The following FSCN2 variants were observed in gnomAD, a reference collection of about 807,000 sequenced individuals.
The protein encoded by FSCN2 is fascin actin-bundling protein 2, retinal.
FSCN2 carries 46 observed loss-of-function variants against 37.8 expected under a neutral mutation model. The observed-to-expected ratio is 1.22, with a 90% CI of 0.96 to 1.56. The LOEUF is 1.56. Ranked by LOEUF, FSCN2 falls within the 40% of genes most tolerant of loss-of-function variation. The pLI is 0.00. For synonymous variants in FSCN2, 351 were observed against 309.4 expected, an observed-to-expected ratio of 1.13 and a Z score of -1.41; for missense variants, 844 against 730.4, an observed-to-expected ratio of 1.16 and a Z score of -1.79.
the FSCN2 span, among the ~76,000 whole-genome samples, chr17:81,516,506 G>A: frequency 6.6e-6 from 1 of 152,214 alleles, no homozygotes; most frequent in Admixed American, 6.5e-5. Flanking sequence ...GTTTCCTGAA[G>A]CTCTTTCCAG....
chr17:81,523,124 T>C, the FSCN2 span, among the ~76,000 whole-genome samples: 6 of 152,144 alleles, frequency 3.9e-5, no homozygotes, highest in East Asian at 1.2e-3. Context: ...GCCAGCAGAC[T>C]GTGTGGGCTG....
intron 3 of FSCN2, 143 bp from the exon 4 acceptor site, chr17:81,536,479 G>A: frequency 6.6e-7 from 1 of 1,524,356 alleles, no homozygotes; most frequent in South Asian, 1.2e-5. Context: ...AACCCCCTAG[G>A]CGCCTTGCCA....
Position 81,535,140 on chromosome 17 carries a change from C to T in FSCN2, c.915C>T (p.Phe305=), listed in dbSNP as rs1404771847. 1 of 1,534,376 alleles carries T rather than the reference C, an allele frequency of 6.5e-7. No homozygotes were observed. Among genetic ancestry groups the T allele is most frequent in the Non-Finnish European group, 8.7e-7 (1 of 1,145,556 alleles). Residue 305 remains phenylalanine, a synonymous_variant, in exon 2 of 5, where the codon TTC becomes TTT. Coordinates refer to ENST00000417245, the MANE Select transcript of FSCN2 (RefSeq NM_012418.4). The part of the protein sequence containing the change: ...QIDQETKKCT[F]YSSTGGYWTL... ...ACCAGGAGACAAAGAAGTGCACCTT[C>T]TATTCCAGCACTGGGGGCTACTGGA... is the stretch of plus-strand genomic sequence containing the variant.
rs761410294 is a variant in FSCN2, at chr17:81,536,732, C to A, written c.1216C>A (p.Arg406Ser). ...CGGCTCCAACCAGCTGGACACCAAC[C>A]GCTCCGTCTACGACGTCTTCCACCT... ...HRGSNQLDTN[R>S]SVYDVFHLSF... Residue 406 changes from arginine to serine, a missense_variant, in exon 4 of 5, where the codon CGC (arginine) becomes AGC (serine). Physicochemically the swap from Arg to Ser is moderately radical, Grantham distance 110. Transcript: ENST00000417245. 1.2e-5 allele frequency: 20 copies of A among 1,611,142 alleles called. No homozygotes were observed. The highest frequency in any genetic ancestry group is 1.7e-5 in the Non-Finnish European group (20 of 1,179,354).
chr17:81,518,179 TC>T, the FSCN2 span, among the ~76,000 whole-genome samples: 3 of 152,126 alleles, frequency 2.0e-5, no homozygotes, highest in African/African-American at 4.8e-5. Flanking sequence ...GTCTGGCTGT[TC>T]CTTTGCCCCC....
the FSCN2 span, among the ~76,000 whole-genome samples, chr17:81,523,334 C>G: frequency 6.6e-6 from 1 of 152,238 alleles, no homozygotes. Context: ...GAGCCTGTCA[C>G]CCTAAACCTG....
At chr17:81,523,718 G>C (rs943988501), upstream of FSCN2, 1 of 152,296 alleles carries the variant, frequency 6.6e-6, no homozygotes, top group Admixed American at 6.5e-5. Flanking sequence ...GGGCTCCTCC[G>C]ATGCCTGCAG....
At chr17:81,515,379 AGAGTC>A in the FSCN2 span, among the ~76,000 whole-genome samples, 1 of 152,190 alleles carries the variant, frequency 6.6e-6, no homozygotes, top group Non-Finnish European at 1.5e-5. Flanking sequence ...CGGAGCCGGG[AGAGTC>A]GGCAGCTGCA....
chr17:81,532,613 GATGATA>G (rs1327054096), intron 1 of FSCN2, among the ~76,000 whole-genome samples: 125 of 144,772 alleles, frequency 8.6e-4, no homozygotes, highest in Middle Eastern at 3.5e-3. Context: ...TGGTGATGGT[GATGATA>G]ATGGTGATGA....
intron 1 of FSCN2, among the ~76,000 whole-genome samples, chr17:81,530,350 C>T (rs756872237): frequency 2.0e-5 from 3 of 152,246 alleles, no homozygotes; most frequent in African/African-American, 4.8e-5. Context: ...TGGCTCTCCC[C>T]AGTTCCCAGG....
At chr17:81,533,270 C>G (rs534403383) in intron 1 of FSCN2, among the ~76,000 whole-genome samples, 3 of 152,212 alleles carry the variant, frequency 2.0e-5, no homozygotes, top group Non-Finnish European at 4.4e-5. Flanking sequence ...TTTCTGCCAA[C>G]AGACAGCATG....
the FSCN2 span, among the ~76,000 whole-genome samples, chr17:81,516,384 C>A: frequency 6.6e-6 from 1 of 152,302 alleles, no homozygotes; most frequent in South Asian, 2.1e-4. Context: ...TAAAGTTCTC[C>A]CATAATAAAA....
intron 3 of FSCN2, 118 bp from the exon 4 acceptor site, chr17:81,536,504 G>T: frequency 1.3e-6 from 2 of 1,541,600 alleles, no homozygotes; most frequent in Non-Finnish European, 1.7e-6. Flanking sequence ...CGCACATGAG[G>T]CAATGGCAGG....
At chr17:81,523,319 C>T in the FSCN2 span, among the ~76,000 whole-genome samples, 21 of 152,238 alleles carry the variant, frequency 1.4e-4, no homozygotes, top group Admixed American at 1.2e-3. Flanking sequence ...CCTGCCTTGC[C>T]GATGGAGCCT....
chr17:81,530,539 T>C (rs113365575), intron 1 of FSCN2: 1 of 468,558 alleles, frequency 2.1e-6, no homozygotes, highest in Non-Finnish European at 4.2e-6. Context: ...AAAGGCGAGG[T>C]GGGGAGAGCC....
intron 3 of FSCN2, 139 bp downstream of exon 3, chr17:81,536,406 T>C: frequency 7.0e-7 from 1 of 1,434,986 alleles, no homozygotes; most frequent in Non-Finnish European, 9.3e-7. Context: ...TCATACTTGC[T>C]AGTCAAGATA....
chr17:81,536,675 C>T lies in FSCN2; in HGVS notation c.1159C>T (p.Arg387Cys), dbSNP rs756831302. The change falls in exon 4 of 5, where the codon CGC (arginine) becomes TGC (cysteine). Residue 387 changes from arginine to cysteine, a missense_variant. Physicochemically the swap from Arg to Cys is radical, Grantham distance 180 (BLOSUM62 -3). Coordinates refer to ENST00000417245, the MANE Select transcript of FSCN2 (RefSeq NM_012418.4). Reference sequence around the variant, plus strand: ...CATCAACCGGCCCATCCTGGTGCTGCGCGGCCTGGACGGCTTCGTCTGCCA... The same window carrying T: ...CATCAACCGGCCCATCCTGGTGCTGTGCGGCCTGGACGGCTTCGTCTGCCA... The part of the protein sequence containing the change: ...KLINRPILVL[R>C]GLDGFVCHHR... 2.5e-6 allele frequency: 4 copies of T among 1,611,166 alleles called. No homozygotes were observed. The highest frequency in any genetic ancestry group is 1.3e-5 in the African/African-American group (1 of 75,044).
chr17:81,537,083 C>A lies in FSCN2; in HGVS notation c.*3C>A. On this transcript the variant is annotated 3_prime_UTR_variant, in exon 5 of 5. Coordinates refer to ENST00000417245, the MANE Select transcript of FSCN2 (RefSeq NM_012418.4). ...GGACCGCGCTTTGGGAGTACTGAGG[C>A]CGCGCCCAGACCAGCCTGTCGCGCA... 3 of 1,436,328 alleles carry A rather than the reference C, an allele frequency of 2.1e-6. No homozygotes were observed. Among genetic ancestry groups the A allele is most frequent in the Admixed American group, 3.0e-5 (1 of 33,640 alleles). The allele number at this position is 1,436,328 out of a possible 1,614,324, so 89.0% of individuals were successfully genotyped here. A position where few individuals can be genotyped will look rare whatever the true frequency, so the allele number is the denominator to read the frequency against.
At position 81,537,127 on chromosome 17, in the gene FSCN2, C is replaced by T. The variant is rs778448668; in HGVS notation, c.*47C>T. The T allele has an allele frequency of 8.2e-6, 11 of 1,334,158 alleles. No homozygotes were observed. Among genetic ancestry groups the T allele is most frequent in the East Asian group, 3.1e-5 (1 of 32,756 alleles). 82.6% of individuals were successfully genotyped at this position (1,334,158 alleles called of 1,614,324 possible). A position where few individuals can be genotyped will look rare whatever the true frequency, so the allele number is the denominator to read the frequency against. ...TCGCGCATTAAAACCGTGTCTCTCC[C>T]GCAGCTGTGGGTGGGCCCCGGGGCG... On this transcript the variant is annotated 3_prime_UTR_variant, in exon 5 of 5. Coordinates refer to ENST00000417245, the MANE Select transcript of FSCN2 (RefSeq NM_012418.4).
Sources: allele counts gnomAD v4.1 joint callset (sites outside exome capture counted in the v4.1 genomes callset), GRCh38; gene constraint gnomAD v4.1.1; transcripts MANE v1.5; gene names NCBI Gene and HGNC (gene_info 2026-07-23, HGNC 2026-07-21).